BMERB1: variants seen among roughly 807,000 people sequenced by gnomAD.
BMERB1 encodes bMERB domain containing 1.
BMERB1 carries 12 observed loss-of-function variants against 23.6 expected under a neutral mutation model. The observed-to-expected ratio is 0.51, with a 90% CI of 0.33 to 0.82. BMERB1 has a LOEUF of 0.82. Ranked by LOEUF, BMERB1 falls within the 40% of genes least tolerant of loss-of-function variation. The pLI is 0.03. For missense variants in BMERB1, 247 were observed against 255.4 expected, an observed-to-expected ratio of 0.97 and a Z score of 0.22; for synonymous variants, 122 against 96.6, an observed-to-expected ratio of 1.26 and a Z score of -1.54.
Position 15,491,309 on chromosome 16 carries a change from C to T in BMERB1, c.107-23996C>T, listed in dbSNP as rs563562099. ...GTCTTCCTATTTCTATACTTGCTCC[C>T]TTAGTAGATCACACTCTCATGGGAA... On this transcript the variant is annotated intron_variant, in intron 1 of 5. Transcript: ENST00000300006. 3.6e-4 allele frequency among the ~76,000 whole-genome samples: 55 copies of T among 152,232 alleles called. 1 individual carries two copies. In the South Asian group the frequency reaches 0.011, roughly 31 times the overall value.
At chr16:15,482,843 ATGCTT>A (rs1187623378) in intron 1 of BMERB1, among the ~76,000 whole-genome samples, 2 of 152,296 alleles carry the variant, frequency 1.3e-5, no homozygotes, top group Non-Finnish European at 2.9e-5. Context: ...TCAGGTACTG[ATGCTT>A]CAAGCTTTAC....
chr16:15,480,836 T>A (rs2051314296), intron 1 of BMERB1, among the ~76,000 whole-genome samples: 1 of 151,826 alleles, frequency 6.6e-6, no homozygotes, highest in Admixed American at 6.6e-5. Context: ...ATGGTTTCGA[T>A]CTCTTGACGT....
chr16:15,482,740 A>G (rs1258649742), intron 1 of BMERB1, among the ~76,000 whole-genome samples: 3 of 152,246 alleles, frequency 2.0e-5, no homozygotes, highest in Non-Finnish European at 2.9e-5. Context: ...GGATTTAAAC[A>G]TAGCATTTAT....
intron 1 of BMERB1, among the ~76,000 whole-genome samples, chr16:15,462,973 G>A (rs1371766680): frequency 1.8e-4 from 28 of 152,112 alleles, no homozygotes; most frequent in Non-Finnish European, 3.1e-4. Flanking sequence ...TGTAAACCGC[G>A]GAGAGTTTCA....
rs749773994 is a variant in BMERB1, at chr16:15,586,750, C to A, written c.536C>A (p.Pro179His). Residue 179 changes from proline (P) to histidine (H), a missense_variant, in exon 6 of 6, where the codon CCT becomes CAT. By Grantham distance (77) the Pro-to-His change is moderately conservative. Transcript: ENST00000300006. ...GCAGAGAAGAAAGCAGAGCCCCCAC[C>A]TAGCAAGCCCACGGTGGCCAAGACG... ...SRAEKKAEPP[P>H]SKPTVAKTGL... 6.2e-7 allele frequency: 1 copy of A among 1,612,258 alleles called. No individual in the cohort carries two copies. The highest frequency in any genetic ancestry group is 1.1e-5 in the South Asian group (1 of 90,454).
chr16:15,481,862 T>A (rs1324673813), intron 1 of BMERB1, among the ~76,000 whole-genome samples: 1 of 151,622 alleles, frequency 6.6e-6, no homozygotes, highest in Non-Finnish European at 1.5e-5. Flanking sequence ...GTAGCTGGGA[T>A]TACAGGTGCC....
rs1210359141 is a variant in BMERB1 at position 15,587,583 on chromosome 16, T to C, written c.*754T>C. On this transcript the variant is annotated 3_prime_UTR_variant, in exon 6 of 6. Coordinates refer to ENST00000300006, the MANE Select transcript of BMERB1 (RefSeq NM_033201.3). ...CAGCAGGGAACCGGAAGCTCTGATG[T>C]CAAGGCCAGAGCAGTTGAGAATGGG... The C allele has an allele frequency of 2.2e-6, 1 of 452,164 alleles. No individual in the cohort carries two copies. Among genetic ancestry groups the C allele is most frequent in the Non-Finnish European group, 4.5e-6 (1 of 224,132 alleles). 28.0% of individuals were successfully genotyped at this position (452,164 alleles called of 1,614,324 possible).
chr16:15,498,706 AAGAG>A (rs2051498716), intron 1 of BMERB1, among the ~76,000 whole-genome samples: 1 of 152,130 alleles, frequency 6.6e-6, no homozygotes, highest in Non-Finnish European at 1.5e-5. Context: ...AAGGAAGGAA[AAGAG>A]AGAAAGGAAA....
chr16:15,572,826 A>G (rs1035595399), intron 3 of BMERB1, among the ~76,000 whole-genome samples: 1 of 152,154 alleles, frequency 6.6e-6, no homozygotes, highest in Non-Finnish European at 1.5e-5. Context: ...AGATGATTGA[A>G]TCATGGGGGA....
intron 1 of BMERB1, among the ~76,000 whole-genome samples, chr16:15,454,728 G>C (rs2051069214): frequency 6.6e-6 from 1 of 151,408 alleles, no homozygotes. Context: ...GAAGGCGGAG[G>C]TTGCAGTGAG....
At chr16:15,517,436 G>C (rs1356516860) in intron 2 of BMERB1, among the ~76,000 whole-genome samples, 1 of 152,116 alleles carries the variant, frequency 6.6e-6, no homozygotes, top group African/African-American at 2.4e-5. Flanking sequence ...ATTTGAACCT[G>C]GGAGGCGGAG....
chr16:15,516,562 G>C (rs2051760201), intron 2 of BMERB1, among the ~76,000 whole-genome samples: 2 of 152,174 alleles, frequency 1.3e-5, no homozygotes, highest in Admixed American at 6.5e-5. Context: ...GAGGCAACCT[G>C]GCTGGAAAAT....
At chr16:15,574,938 G>T (rs1033763254) in intron 3 of BMERB1, among the ~76,000 whole-genome samples, 1 of 152,146 alleles carries the variant, frequency 6.6e-6, no homozygotes, top group Non-Finnish European at 1.5e-5. Context: ...AATTAGCCGC[G>T]TGTGGTGGCG....
intron 2 of BMERB1, among the ~76,000 whole-genome samples, chr16:15,546,422 A>T (rs1344161938): frequency 6.6e-6 from 1 of 152,190 alleles, no homozygotes; most frequent in African/African-American, 2.4e-5. Flanking sequence ...ATCAGAATTA[A>T]ATTGCTTGGA....
At chr16:15,491,337 A>G (rs1201025927) in intron 1 of BMERB1, among the ~76,000 whole-genome samples, 1 of 151,612 alleles carries the variant, frequency 6.6e-6, no homozygotes, top group East Asian at 1.9e-4. Flanking sequence ...CATGGGAAAC[A>G]CAGTGACTTT....
At chr16:15,457,399 C>T (rs1309833299) in intron 1 of BMERB1, among the ~76,000 whole-genome samples, 1 of 152,172 alleles carries the variant, frequency 6.6e-6, no homozygotes, top group African/African-American at 2.4e-5. Flanking sequence ...CCTTTTTGCA[C>T]GTCTGACTCT....
chr16:15,586,859 G>C lies in BMERB1; in HGVS notation c.*30G>C. ...CACGTGGGGTGCCCTGGGCCATGGG[G>C]ACCCCCCCCCACCCTCTTGTCTTTA... On this transcript the variant is annotated 3_prime_UTR_variant, in exon 6 of 6. Coordinates refer to ENST00000300006, the MANE Select transcript of BMERB1 (RefSeq NM_033201.3). 1 of 1,388,532 alleles carries C rather than the reference G, an allele frequency of 7.2e-7. No homozygotes were observed. Among genetic ancestry groups the C allele is most frequent in the Non-Finnish European group, 9.9e-7 (1 of 1,013,298 alleles). The allele number at this position is 1,388,532 out of a possible 1,614,324, so 86.0% of individuals were successfully genotyped here.
chr16:15,525,178 C>CA (rs1288732976), intron 2 of BMERB1, among the ~76,000 whole-genome samples: 8 of 152,172 alleles, frequency 5.3e-5, no homozygotes, highest in Non-Finnish European at 1.5e-5. Context: ...GGCCTGACTA[C>CA]AACAGAAAGG....
chr16:15,522,724 C>G (rs374117855), intron 2 of BMERB1, among the ~76,000 whole-genome samples: 1 of 152,060 alleles, frequency 6.6e-6, no homozygotes, highest in Non-Finnish European at 1.5e-5. Flanking sequence ...TGTGTGATGT[C>G]GGAGTGGCTC....
Sources: gnomAD v4.1 joint callset for allele counts (sites outside exome capture counted in the v4.1 genomes callset) on GRCh38, gnomAD v4.1.1 for gene constraint, MANE v1.5 for transcripts, NCBI Gene and HGNC (gene_info 2026-07-23, HGNC 2026-07-21) for gene names.